Variants in EPM2AIP1 observed in about 807,000 individuals in gnomAD.
The protein encoded by EPM2AIP1 is EPM2A interacting protein 1.
In EPM2AIP1, 23 loss-of-function variants were observed where a neutral mutation model predicts 44.8. The observed-to-expected ratio is 0.51, with a 90% CI of 0.37 to 0.73. The LOEUF is 0.73. EPM2AIP1 is among the 30% of genes least tolerant of loss of function. The probability of loss-of-function intolerance (pLI) is 0.00; values close to 1 mark genes in which losing one functional copy is unlikely to be tolerated. For missense variants in EPM2AIP1, 652 were observed against 743.9 expected (o/e 0.88, Z 1.44); for synonymous variants, 311 against 284.3 (o/e 1.09, Z -0.94).
Position 36,989,977 on chromosome 3 carries a change from G to A in EPM2AIP1, c.*1277C>T, listed in dbSNP as rs945494048. Reference sequence around the variant, plus strand: ...TTTCAATAGTTAAGACAGGACTTTGGAACAAGAGTTTTTAAATTGTATAAT... The same window carrying A: ...TTTCAATAGTTAAGACAGGACTTTGAAACAAGAGTTTTTAAATTGTATAAT... On this transcript the variant is annotated 3_prime_UTR_variant, in exon 1 of 1. Coordinates refer to ENST00000322716, the MANE Select transcript of EPM2AIP1 (RefSeq NM_014805.4). 1 of 152,174 alleles carries A rather than the reference G, an allele frequency of 6.6e-6. No homozygotes were observed. Among genetic ancestry groups the A allele is most frequent in the African/African-American group, 2.4e-5 (1 of 41,442 alleles). 9.4% of individuals were successfully genotyped at this position (152,174 alleles called of 1,614,324 possible).
rs2080819272 is a variant in EPM2AIP1, at chr3:36,992,047, C to T, written c.1031G>A (p.Arg344Lys). Reference protein sequence around the residue: ...NGRCLNNWLRRGKTLKLIFSL... With the variant: ...NGRCLNNWLRKGKTLKLIFSL... ...GAATATTAGTTTTAAAGTTTTCCCT[C>T]TCCTAAGCCAATTGTTCAGACATCG... The change falls in exon 1 of 1, where the codon AGA becomes AAA. Residue 344 changes from arginine (R) to lysine (K), a missense_variant. Physicochemically the swap from Arg to Lys is conservative, Grantham distance 26 (BLOSUM62 2). Coordinates refer to ENST00000322716, the MANE Select transcript of EPM2AIP1 (RefSeq NM_014805.4). The surrounding 1 kb of genome is among the most constrained non-coding windows in gnomAD (Gnocchi z 5.3). 1 of 1,614,016 alleles carries T rather than the reference C, an allele frequency of 6.2e-7. No individual in the cohort carries two copies. Among genetic ancestry groups the T allele is most frequent in the Non-Finnish European group, 8.5e-7 (1 of 1,179,890 alleles).
chr3:36,987,426 AT>A lies in EPM2AIP1; in HGVS notation c.*3827del, dbSNP rs1411224007. 5.7e-4 allele frequency: 29 copies of A among 50,450 alleles called. No individual in the cohort carries two copies. Among genetic ancestry groups the A allele is most frequent in the South Asian group, 1.6e-3 (2 of 1,266 alleles). 3.1% of individuals were successfully genotyped at this position (50,450 alleles called of 1,614,324 possible). Reference sequence around the variant, plus strand: ...CCTCTATATGTAGGTTCCTTTGGAAATTTAAAAAAAAAAAAAAAATATATAT... The same window carrying A: ...CCTCTATATGTAGGTTCCTTTGGAAATTAAAAAAAAAAAAAAAATATATAT... On this transcript the variant is annotated 3_prime_UTR_variant, in exon 1 of 1. Coordinates refer to ENST00000322716, the MANE Select transcript of EPM2AIP1 (RefSeq NM_014805.4).
Position 36,991,612 on chromosome 3 carries a change from G to A in EPM2AIP1, c.1466C>T (p.Ser489Leu). 1 of 1,612,338 alleles carries A rather than the reference G, an allele frequency of 6.2e-7. No homozygotes were observed. The highest frequency in any genetic ancestry group is 1.1e-5 in the South Asian group (1 of 90,922). Residue 489 changes from serine (S) to leucine (L), a missense_variant, in exon 1 of 1, where the codon TCA becomes TTA. Ser to Leu is a moderately radical substitution (Grantham distance 145). Transcript: ENST00000322716. ...TTCAGGTTTAAAGTTAAATGGATTT[G>A]AAAAAAGTTCTAAGTCCTTTTTAAT... ...RFIKKDLELF[S>L]NPFNFKPEYA... is the part of the protein sequence containing the mutation.
rs1559494434 is a variant in EPM2AIP1 at position 36,987,459 on chromosome 3, A to T, written c.*3795T>A. ...AAAAAAAAAAAATATATATATATAT[A>T]TGACACTGTTTACAAAGGGTAAAAA... On this transcript the variant is annotated 3_prime_UTR_variant, in exon 1 of 1. Transcript: ENST00000322716. 1 of 148,690 alleles carries T rather than the reference A, an allele frequency of 6.7e-6. No homozygotes were observed. Among genetic ancestry groups the T allele is most frequent in the African/African-American group, 2.4e-5 (1 of 40,920 alleles). 9.2% of individuals were successfully genotyped at this position (148,690 alleles called of 1,614,324 possible). A position where few individuals can be genotyped will look rare whatever the true frequency, so the allele number is the denominator to read the frequency against.
rs977720145 is a variant in EPM2AIP1 at position 36,985,581 on chromosome 3, T to C, written c.*5673A>G. ...TCCTCCTAGAACTTTAATGTGGCTA[T>C]GTGATTTGCTTTGGCCAATGAAAGT... is the stretch of plus-strand genomic sequence containing the variant. On this transcript the variant is annotated 3_prime_UTR_variant, in exon 1 of 1. Transcript: ENST00000322716. The C allele has an allele frequency of 2.0e-5, 3 of 152,238 alleles. No homozygotes were observed. The highest frequency in any genetic ancestry group is 4.4e-5 in the Non-Finnish European group (3 of 68,032). The allele number at this position is 152,238 out of a possible 1,614,324, so 9.4% of individuals were successfully genotyped here. A position where few individuals can be genotyped will look rare whatever the true frequency, so the allele number is the denominator to read the frequency against.
chr3:36,989,155 T>C lies in EPM2AIP1; in HGVS notation c.*2099A>G, dbSNP rs1432862295. On this transcript the variant is annotated 3_prime_UTR_variant, in exon 1 of 1. Coordinates refer to ENST00000322716, the MANE Select transcript of EPM2AIP1 (RefSeq NM_014805.4). ...AAACATACTGGAATTTCACAAAATG[T>C]ACAAGATTTCAATATTTAAGGAACT... 6.6e-6 allele frequency: 1 copy of C among 152,032 alleles called. No individual in the cohort carries two copies. The highest frequency in any genetic ancestry group is 1.5e-5 in the Non-Finnish European group (1 of 67,996). The allele number at this position is 152,032 out of a possible 1,614,324, so 9.4% of individuals were successfully genotyped here. A position where few individuals can be genotyped will look rare whatever the true frequency, so the allele number is the denominator to read the frequency against.
rs1304914047 is a variant in EPM2AIP1 at position 36,985,801 on chromosome 3, G to A, written c.*5453C>T. On this transcript the variant is annotated 3_prime_UTR_variant, in exon 1 of 1. Coordinates refer to ENST00000322716, the MANE Select transcript of EPM2AIP1 (RefSeq NM_014805.4). ...TTTTGTGAGATGTACACACTCTGTA[G>A]CAACTACTCAGCTGTGCCATTGTAG... 1 of 152,132 alleles carries A rather than the reference G, an allele frequency of 6.6e-6. No homozygotes were observed. The highest frequency in any genetic ancestry group is 2.4e-5 in the African/African-American group (1 of 41,444). 9.4% of individuals were successfully genotyped at this position (152,132 alleles called of 1,614,324 possible). A position where few individuals can be genotyped will look rare whatever the true frequency, so the allele number is the denominator to read the frequency against.
rs1176221081 is a variant in EPM2AIP1 at position 36,990,874 on chromosome 3, G to A, written c.*380C>T. The A allele has an allele frequency of 1.4e-5, 14 of 992,120 alleles. No homozygotes were observed. The highest frequency in any genetic ancestry group is 5.8e-5 in the Admixed American group (1 of 17,166). 61.5% of individuals were successfully genotyped at this position (992,120 alleles called of 1,614,324 possible). On this transcript the variant is annotated 3_prime_UTR_variant, in exon 1 of 1. Transcript: ENST00000322716. ...CACATTTAAGGAGTTGATAATTTAA[G>A]ACTATATGAATCAGAATTTTAACAC...
rs920138795 is a variant in EPM2AIP1, at chr3:36,989,554, C to T, written c.*1700G>A. On this transcript the variant is annotated 3_prime_UTR_variant, in exon 1 of 1. Coordinates refer to ENST00000322716, the MANE Select transcript of EPM2AIP1 (RefSeq NM_014805.4). ...AAATTTAGAAGGTTGGAATTAGTCT[C>T]TCCTATCTAGTATTCTGTCAGTTTG... 5.3e-5 allele frequency: 8 copies of T among 151,814 alleles called. No homozygotes were observed. Among genetic ancestry groups the T allele is most frequent in the Non-Finnish European group, 1.0e-4 (7 of 67,996 alleles). The allele number at this position is 151,814 out of a possible 1,614,324, so 9.4% of individuals were successfully genotyped here.
chr3:36,989,907 C>G lies in EPM2AIP1; in HGVS notation c.*1347G>C, dbSNP rs1292554151. On this transcript the variant is annotated 3_prime_UTR_variant, in exon 1 of 1. Coordinates refer to ENST00000322716, the MANE Select transcript of EPM2AIP1 (RefSeq NM_014805.4). ...ATTCCACCTAAATTCTTAGTCATAG[C>G]CTGGTTCCTTGAATTTGCTGGATTA... is the stretch of plus-strand genomic sequence containing the variant. The G allele has an allele frequency of 6.6e-6, 1 of 152,156 alleles. No individual in the cohort carries two copies. Among genetic ancestry groups the G allele is most frequent in the African/African-American group, 2.4e-5 (1 of 41,426 alleles). 9.4% of individuals were successfully genotyped at this position (152,156 alleles called of 1,614,324 possible).
chr3:36,988,504 T>C lies in EPM2AIP1; in HGVS notation c.*2750A>G, dbSNP rs1313245048. On this transcript the variant is annotated 3_prime_UTR_variant, in exon 1 of 1. Transcript: ENST00000322716. ...AAAGGAGATATGAATCTGACAGTCATTTGCATATAAATGGTAAGGAAACCA... is the reference window on the plus strand; with the variant it reads ...AAAGGAGATATGAATCTGACAGTCACTTGCATATAAATGGTAAGGAAACCA... The C allele has an allele frequency of 6.6e-6, 1 of 152,118 alleles. No individual in the cohort carries two copies. The highest frequency in any genetic ancestry group is 1.5e-5 in the Non-Finnish European group (1 of 68,022). The allele number at this position is 152,118 out of a possible 1,614,324, so 9.4% of individuals were successfully genotyped here.
At position 36,992,807 on chromosome 3, in the gene EPM2AIP1, A is replaced by G. The variant is rs766230275; in HGVS notation, c.271T>C (p.Phe91Leu). The G allele has an allele frequency of 6.2e-7, 1 of 1,612,934 alleles. No homozygotes were observed. The highest frequency in any genetic ancestry group is 8.5e-7 in the Non-Finnish European group (1 of 1,179,854). ...LRQGDLPVAS[F>L]TPEERAARAG... is the part of the protein sequence containing the mutation. ...CGAGCAGCTCTCTCTTCAGGAGTGA[A>G]GGAGGCCACGGGCAAGTCGCCCTGA... Residue 91 changes from phenylalanine (F) to leucine (L), a missense_variant, in exon 1 of 1, where the codon TTC becomes CTC. Physicochemically the swap from Phe to Leu is conservative, Grantham distance 22. Coordinates refer to ENST00000322716, the MANE Select transcript of EPM2AIP1 (RefSeq NM_014805.4). The surrounding 1 kb of genome is among the most constrained non-coding windows in gnomAD (Gnocchi z 5.3).
Position 36,991,854 on chromosome 3 carries a change from G to A in EPM2AIP1, c.1224C>T (p.Ala408=). 1.2e-6 allele frequency: 2 copies of A among 1,613,732 alleles called. No homozygotes were observed. Among genetic ancestry groups the A allele is most frequent in the Non-Finnish European group, 1.7e-6 (2 of 1,179,846 alleles). Residue 408 remains alanine (A), a synonymous_variant, in exon 1 of 1, where the codon GCC becomes GCT. Transcript: ENST00000322716. The part of the protein sequence containing the change: ...LRVSKVFAAA[A]FDHICTFEVK... ...CTTCGAAAGTACAAATATGGTCAAA[G>A]GCAGCAGCAGCAAAGACTTTACTAA...
At position 36,988,962 on chromosome 3, in the gene EPM2AIP1, C is replaced by A. The variant is rs1478517100; in HGVS notation, c.*2292G>T. Reference sequence around the variant, plus strand: ...TTACAGAATTACTTAATACAGAAAACAGTAAAATACACTTTTTTCTTTTTC... The same window carrying A: ...TTACAGAATTACTTAATACAGAAAAAAGTAAAATACACTTTTTTCTTTTTC... On this transcript the variant is annotated 3_prime_UTR_variant, in exon 1 of 1. Transcript: ENST00000322716. 2.1e-5 allele frequency: 3 copies of A among 142,780 alleles called. No homozygotes were observed. Among genetic ancestry groups the A allele is most frequent in the African/African-American group, 7.7e-5 (3 of 38,720 alleles). 8.8% of individuals were successfully genotyped at this position (142,780 alleles called of 1,614,324 possible). A position where few individuals can be genotyped will look rare whatever the true frequency, so the allele number is the denominator to read the frequency against.
Position 36,987,192 on chromosome 3 carries a change from TTTAC to T in EPM2AIP1, c.*4058_*4061del, listed in dbSNP as rs2080774132. Reference sequence around the variant, plus strand: ...TGAGTCAGTCTTCTACTTTGTTAAATTTACTTACTTTTAAATCCCAGAAGAGCCA... The same window carrying T: ...TGAGTCAGTCTTCTACTTTGTTAAATTTACTTTTAAATCCCAGAAGAGCCA... On this transcript the variant is annotated 3_prime_UTR_variant, in exon 1 of 1. Transcript: ENST00000322716. 1 of 152,578 alleles carries T rather than the reference TTTAC, an allele frequency of 6.6e-6. No homozygotes were observed. Among genetic ancestry groups the T allele is most frequent in the Non-Finnish European group, 1.5e-5 (1 of 68,034 alleles). The allele number at this position is 152,578 out of a possible 1,614,324, so 9.5% of individuals were successfully genotyped here. A position where few individuals can be genotyped will look rare whatever the true frequency, so the allele number is the denominator to read the frequency against.
Position 36,985,758 on chromosome 3 carries a change from C to T in EPM2AIP1, c.*5496G>A, listed in dbSNP as rs991851839. On this transcript the variant is annotated 3_prime_UTR_variant, in exon 1 of 1. Coordinates refer to ENST00000322716, the MANE Select transcript of EPM2AIP1 (RefSeq NM_014805.4). Reference sequence around the variant, plus strand: ...GGTGAACTTTCTCTGTAAAGGGCCACAGAATAAGTATTTTAGGTTTTGTGA... The same window carrying T: ...GGTGAACTTTCTCTGTAAAGGGCCATAGAATAAGTATTTTAGGTTTTGTGA... 3 of 152,162 alleles carry T rather than the reference C, an allele frequency of 2.0e-5. No homozygotes were observed. The highest frequency in any genetic ancestry group is 6.5e-5 in the Admixed American group (1 of 15,290). The allele number at this position is 152,162 out of a possible 1,614,324, so 9.4% of individuals were successfully genotyped here.
In EPM2AIP1 at chr3:36,990,575, T is replaced by C; in HGVS notation, c.*679A>G. The C allele has an allele frequency of 1.0e-6, 1 of 985,538 alleles. No homozygotes were observed. The highest frequency in any genetic ancestry group is 1.2e-6 in the Non-Finnish European group (1 of 829,758). The allele number at this position is 985,538 out of a possible 1,614,324, so 61.0% of individuals were successfully genotyped here. A position where few individuals can be genotyped will look rare whatever the true frequency, so the allele number is the denominator to read the frequency against. On this transcript the variant is annotated 3_prime_UTR_variant, in exon 1 of 1. Coordinates refer to ENST00000322716, the MANE Select transcript of EPM2AIP1 (RefSeq NM_014805.4). ...AAATCCAAGGAAAACCCCCAATAAT[T>C]AGTCTTATCTCCAAATTGCATGAAG...
At position 36,992,620 on chromosome 3, in the gene EPM2AIP1, C is replaced by T; in HGVS notation, c.458G>A (p.Arg153Lys). Residue 153 changes from arginine to lysine, a missense_variant, in exon 1 of 1, where the codon AGG (arginine) becomes AAG (lysine). Transcript: ENST00000322716. This position sits in a 1 kb window ranked among gnomAD's most constrained non-coding sequence, Gnocchi z 5.3. ...TAGATTCCTGTCAATGCTCAGGATC[C>T]TCTGCCTTGTGATATCTGGAGATAA... ...VDLSPDITRQ[R>K]ILSIDRNLRN... The T allele has an allele frequency of 1.2e-6, 2 of 1,614,052 alleles. No individual in the cohort carries two copies. Among genetic ancestry groups the T allele is most frequent in the South Asian group, 1.1e-5 (1 of 91,092 alleles).
chr3:36,989,829 A>T lies in EPM2AIP1; in HGVS notation c.*1425T>A, dbSNP rs2125687997. 2 of 152,304 alleles carry T rather than the reference A, an allele frequency of 1.3e-5. 1 individual carries two copies. Among genetic ancestry groups the T allele is most frequent in the South Asian group, 4.1e-4 (2 of 4,826 alleles). The allele number at this position is 152,304 out of a possible 1,614,324, so 9.4% of individuals were successfully genotyped here. On this transcript the variant is annotated 3_prime_UTR_variant, in exon 1 of 1. Transcript: ENST00000322716. Reference sequence around the variant, plus strand: ...CTGCCTCTAGTTGAAAGCCACTGGCACAACTTTGGTTTTTAAGCTCTTATG... The same window carrying T: ...CTGCCTCTAGTTGAAAGCCACTGGCTCAACTTTGGTTTTTAAGCTCTTATG...
Sources: gnomAD v4.1 joint callset for allele counts on GRCh38, gnomAD v4.1.1 for gene constraint, Gnocchi (gnomAD v3.1) non-coding constraint, MANE v1.5 for transcripts, NCBI Gene and HGNC (gene_info 2026-07-23, HGNC 2026-07-21) for gene names.